The following CYSLTR1 variants were observed in gnomAD, a reference collection of about 807,000 sequenced individuals.
CYSLTR1 encodes cysteinyl leukotriene receptor 1, also known as G-protein coupled receptor HG55.
A neutral mutation model predicts 2.1 loss-of-function variants in CYSLTR1; 1 was observed. The observed-to-expected ratio is 0.48, with a 90% confidence interval of 0.17 to 2.28. The LOEUF (loss-of-function observed/expected upper bound fraction) is 2.28, where lower values mean the gene tolerates loss of function less well. CYSLTR1 is among the 30% of genes most tolerant of loss of function. The pLI, the probability that CYSLTR1 is intolerant of heterozygous loss-of-function variation, is 0.26. For missense variants in CYSLTR1, 299 were observed against 250.1 expected, an observed-to-expected ratio of 1.20 and a Z score of -1.32; for synonymous variants, 110 against 89.6, an observed-to-expected ratio of 1.23 and a Z score of -1.28.
At chrX:78,321,150 TG>T (rs1383355671) in intron 1 of CYSLTR1, 1 of 108,135 alleles carries the variant, frequency 9.2e-6, no homozygotes, top group Non-Finnish European at 1.9e-5. Flanking sequence ...TGTGTGTGTG[TG>T]TGTGTGTGTG....
At chrX:78,277,793 C>A (rs948340572) in intron 2 of CYSLTR1, among the ~76,000 whole-genome samples, 1 of 111,979 alleles carries the variant, frequency 8.9e-6, no homozygotes, top group Non-Finnish European at 1.9e-5. Flanking sequence ...CAACATCAAA[C>A]CTTAAAGGTA....
intron 1 of CYSLTR1, among the ~76,000 whole-genome samples, chrX:78,292,601 C>G (rs947501343): frequency 9.0e-6 from 1 of 111,427 alleles, no homozygotes; most frequent in African/African-American, 3.3e-5. Flanking sequence ...GTGTGGCAGT[C>G]TAAGTCTCTT....
Position 78,315,794 on chromosome X carries a change from G to A in CYSLTR1, c.-115+11511C>T, listed in dbSNP as rs758982261. Among the ~76,000 whole-genome samples, 7 of 112,332 alleles carry A rather than the reference G, an allele frequency of 6.2e-5. No individual in the cohort carries two copies. In the East Asian group the frequency reaches 2.0e-3, roughly 32 times the overall value. The stretch of plus-strand genomic sequence containing the variant: ...ATTTTGATTCTAGTCCCTGACTCCT[G>A]AACGGCACCACAGGACCCACCCAAA... On this transcript the variant is annotated intron_variant, in intron 1 of 2. Transcript: ENST00000373304.
At chrX:78,291,317 G>A (rs774997329) in intron 1 of CYSLTR1, among the ~76,000 whole-genome samples, 10 of 111,924 alleles carry the variant, frequency 8.9e-5, no homozygotes, top group Middle Eastern at 9.1e-3. Context: ...CGATTTGATC[G>A]TGGTGGATAA....
chrX:78,291,414 A>ATCTT (rs1922320403), intron 1 of CYSLTR1, among the ~76,000 whole-genome samples: 1 of 111,017 alleles, frequency 9.0e-6, no homozygotes, highest in African/African-American at 3.3e-5. Flanking sequence ...TAGTCTAAAA[A>ATCTT]TCTTTTTTTC....
chrX:78,294,073 A>G (rs1922471369), intron 1 of CYSLTR1, among the ~76,000 whole-genome samples: 1 of 112,187 alleles, frequency 8.9e-6, no homozygotes, highest in Non-Finnish European at 1.9e-5. Flanking sequence ...TCTGATTTTT[A>G]GAATTTTCAG....
intron 2 of CYSLTR1, among the ~76,000 whole-genome samples, chrX:78,275,113 A>C (rs1433215854): frequency 8.9e-6 from 1 of 111,853 alleles, no homozygotes; most frequent in Non-Finnish European, 1.9e-5. Flanking sequence ...AAATAGGAAC[A>C]CTTTTGCACT....
At chrX:78,277,563 A>G (rs187278404) in intron 2 of CYSLTR1, among the ~76,000 whole-genome samples, 153 of 111,610 alleles carry the variant, frequency 1.4e-3, no homozygotes, top group African/African-American at 4.9e-3. Context: ...TGGTTCCTCC[A>G]GCACAGCAGG....
At chrX:78,283,099 G>A (rs1207177801) in intron 2 of CYSLTR1, among the ~76,000 whole-genome samples, 1 of 111,899 alleles carries the variant, frequency 8.9e-6, no homozygotes, top group Admixed American at 9.5e-5. Flanking sequence ...GGCTTTACTT[G>A]TATGAAACAG....
intron 1 of CYSLTR1, among the ~76,000 whole-genome samples, chrX:78,305,412 C>T (rs944810774): frequency 1.8e-5 from 2 of 111,512 alleles, no homozygotes; most frequent in African/African-American, 3.3e-5. Flanking sequence ...AACAAACTTC[C>T]ACCCTCACCC....
intron 2 of CYSLTR1, among the ~76,000 whole-genome samples, chrX:78,279,092 A>G (rs1277038022): frequency 8.9e-6 from 1 of 112,401 alleles, no homozygotes; most frequent in Non-Finnish European, 1.9e-5. Context: ...ATTGCAGCAA[A>G]GCAAAAATTA....
intron 1 of CYSLTR1, among the ~76,000 whole-genome samples, chrX:78,283,940 G>A (rs1391697135): frequency 8.9e-6 from 1 of 111,931 alleles, no homozygotes; most frequent in African/African-American, 3.2e-5. Flanking sequence ...TGGATTGCTG[G>A]GAATAGGTGT....
intron 1 of CYSLTR1, among the ~76,000 whole-genome samples, chrX:78,323,130 T>C (rs1326685480): frequency 3.6e-5 from 4 of 112,050 alleles, no homozygotes; most frequent in Non-Finnish European, 7.5e-5. Flanking sequence ...CTTTCACCCC[T>C]AGTTTGGGTG....
rs968386942 is a variant in CYSLTR1 at position 78,295,595 on chromosome X, G to A, written c.-114-12055C>T. Reference sequence around the variant, plus strand: ...TTGTATATAAACAATTTTGACTTGGGTGAGATGATACCTCATTGCAGTTTT... The same window carrying A: ...TTGTATATAAACAATTTTGACTTGGATGAGATGATACCTCATTGCAGTTTT... On this transcript the variant is annotated intron_variant, in intron 1 of 2. Transcript: ENST00000373304. Among the ~76,000 whole-genome samples the A allele has an allele frequency of 6.3e-5, 7 of 111,285 alleles. No homozygotes were observed. The Admixed American group carries it at 6.7e-4, about 11-fold the overall frequency.
At chrX:78,287,427 A>T (rs1434102022) in intron 1 of CYSLTR1, among the ~76,000 whole-genome samples, 1 of 111,822 alleles carries the variant, frequency 8.9e-6, no homozygotes, top group African/African-American at 3.2e-5. Flanking sequence ...AGTAATTGCA[A>T]CTGGACACAA....
intron 1 of CYSLTR1, among the ~76,000 whole-genome samples, chrX:78,310,604 A>G (rs1263703236): frequency 3.6e-5 from 4 of 112,482 alleles, no homozygotes; most frequent in African/African-American, 1.3e-4. Context: ...ATGTTAACAA[A>G]TAAATGCACT....
At chrX:78,285,248 G>A (rs1375818139) in intron 1 of CYSLTR1, among the ~76,000 whole-genome samples, 1 of 109,122 alleles carries the variant, frequency 9.2e-6, no homozygotes, top group East Asian at 2.9e-4. Context: ...GTGAAACCCC[G>A]TCTCTACTGA....
intron 1 of CYSLTR1, among the ~76,000 whole-genome samples, chrX:78,307,245 C>T (rs768241714): frequency 1.8e-5 from 2 of 111,758 alleles, no homozygotes; most frequent in Non-Finnish European, 3.8e-5. Flanking sequence ...GTATCTCCTC[C>T]GAGGCTTAAG....
At chrX:78,313,508 A>G (rs1268612910) in intron 1 of CYSLTR1, among the ~76,000 whole-genome samples, 1 of 112,233 alleles carries the variant, frequency 8.9e-6, no homozygotes, top group African/African-American at 3.2e-5. Context: ...AATAGAATGC[A>G]ACCAAAATAA....
Sources: allele counts gnomAD v4.1 joint callset (sites outside exome capture counted in the v4.1 genomes callset), GRCh38; gene constraint gnomAD v4.1.1; transcripts MANE v1.5; gene names NCBI Gene and HGNC (gene_info 2026-07-23, HGNC 2026-07-21).